Variants in MBOAT1 observed in about 807,000 individuals in gnomAD.
The protein encoded by MBOAT1 is membrane bound glycerophospholipid O-acyltransferase 1.
In MBOAT1, 67 loss-of-function variants were observed where a neutral mutation model predicts 64.4. The observed-to-expected ratio is 1.04, with a 90% CI of 0.85 to 1.27. MBOAT1 has a LOEUF of 1.27. Ranked by LOEUF, MBOAT1 falls within the 50% of genes most tolerant of loss-of-function variation. The pLI is 0.00. For missense variants in MBOAT1, 563 were observed against 604.6 expected (o/e 0.93, Z 0.72); for synonymous variants, 229 against 218.9 (o/e 1.05, Z -0.41).
intron 1 of MBOAT1, among the ~76,000 whole-genome samples, chr6:20,161,062 G>A (rs1022721921): frequency 2.0e-5 from 3 of 152,132 alleles, no homozygotes; most frequent in East Asian, 1.9e-4. Context: ...TGAGTGGCAG[G>A]TGACTGAGAG....
At chr6:20,195,571 T>G (rs762711261) in intron 1 of MBOAT1, among the ~76,000 whole-genome samples, 6 of 151,986 alleles carry the variant, frequency 3.9e-5, no homozygotes, top group African/African-American at 1.2e-4. Flanking sequence ...TGTCACTTCT[T>G]GTAGACCTCT....
At chr6:20,139,607 A>G (rs1264661727) in intron 4 of MBOAT1, among the ~76,000 whole-genome samples, 1 of 127,426 alleles carries the variant, frequency 7.8e-6, no homozygotes, top group Non-Finnish European at 1.5e-5. Flanking sequence ...CAGGTGGAGT[A>G]CAGTGGCATT....
chr6:20,139,698 TAC>T (rs1289842069), intron 4 of MBOAT1, among the ~76,000 whole-genome samples: 15 of 151,312 alleles, frequency 9.9e-5, no homozygotes, highest in Admixed American at 1.3e-4. Context: ...GGACTACAGG[TAC>T]ACACCACCAC....
chr6:20,208,825 C>T (rs755538691), intron 1 of MBOAT1, among the ~76,000 whole-genome samples: 43 of 152,298 alleles, frequency 2.8e-4, no homozygotes, highest in Non-Finnish European at 4.9e-4. Context: ...TTTCCAACCA[C>T]CAAATTGGAA....
chr6:20,124,902 G>T (rs144656984), intron 7 of MBOAT1, among the ~76,000 whole-genome samples: 7 of 152,148 alleles, frequency 4.6e-5, no homozygotes, highest in Non-Finnish European at 1.0e-4. Flanking sequence ...AAACACAAGA[G>T]AAATGGATAA....
chr6:20,209,731 G>C (rs1025184413), intron 1 of MBOAT1, among the ~76,000 whole-genome samples: 1 of 152,180 alleles, frequency 6.6e-6, no homozygotes, highest in East Asian at 1.9e-4. Context: ...GAGCAAACAC[G>C]TATCAAGGCC....
Position 20,212,386 on chromosome 6 carries a change from CGGCGCAAACTCTCGA to C in MBOAT1, c.-167_-153del, listed in dbSNP as rs542368070. 1,030 of 667,450 alleles carry C rather than the reference CGGCGCAAACTCTCGA, an allele frequency of 1.5e-3. 4 individuals carry two copies. Among genetic ancestry groups the C allele is most frequent in the African/African-American group, 7.4e-3 (398 of 54,068 alleles). The allele number at this position is 667,450 out of a possible 1,614,324, so 41.3% of individuals were successfully genotyped here. ...GAACGGGAGGCCGGGGAATGCGAAC[CGGCGCAAACTCTCGA>C]GGCGCAAACTCTCGAGGCGCAAACT... On this transcript the variant is annotated 5_prime_UTR_variant, in exon 1 of 13. Coordinates refer to ENST00000324607, the MANE Select transcript of MBOAT1 (RefSeq NM_001080480.3).
intron 7 of MBOAT1, among the ~76,000 whole-genome samples, chr6:20,126,284 C>A (rs1295164487): frequency 2.0e-5 from 3 of 152,166 alleles, no homozygotes; most frequent in Non-Finnish European, 4.4e-5. Flanking sequence ...TAAATATTGA[C>A]TGATGAACTG....
At chr6:20,107,005 T>A (rs1333843503) in intron 12 of MBOAT1, among the ~76,000 whole-genome samples, 2 of 152,302 alleles carry the variant, frequency 1.3e-5, no homozygotes, top group East Asian at 3.9e-4. Flanking sequence ...ATATTATCAC[T>A]AGCAAATCAC....
chr6:20,205,963 C>T (rs2113776876), intron 1 of MBOAT1, among the ~76,000 whole-genome samples: 1 of 152,252 alleles, frequency 6.6e-6, no homozygotes, highest in South Asian at 2.1e-4. Context: ...GGCTCGCAAG[C>T]TCCACTTCTC....
chr6:20,132,911 A>G (rs900021337), intron 4 of MBOAT1, among the ~76,000 whole-genome samples: 1 of 152,162 alleles, frequency 6.6e-6, no homozygotes, highest in Non-Finnish European at 1.5e-5. Context: ...TGTCAACGAC[A>G]CTCATCCACT....
At position 20,126,701 on chromosome 6, in the gene MBOAT1, CTG is replaced by C. The variant is rs749212454; in HGVS notation, c.531-3_531-2del. ...GTATTCCAAAAAAGAGGGTTTCACTCTGTGAAAATAAAGTAAATAAATTGAAA... is the reference window on the plus strand; with the variant it reads ...GTATTCCAAAAAAGAGGGTTTCACTCTGAAAATAAAGTAAATAAATTGAAA... On this transcript the variant is annotated splice_acceptor_variant and splice_polypyrimidine_tract_variant and intron_variant, in intron 6 of 12. Transcript: ENST00000324607. LOFTEE classifies it high-confidence loss of function. The C allele has an allele frequency of 8.8e-6, 14 of 1,597,544 alleles. No homozygotes were observed. The highest frequency in any genetic ancestry group is 1.1e-5 in the Non-Finnish European group (13 of 1,172,262).
chr6:20,111,879 T>TACATATATATAC (rs1581396161), intron 11 of MBOAT1, among the ~76,000 whole-genome samples: 251 of 75,832 alleles, frequency 3.3e-3, no homozygotes, highest in Middle Eastern at 0.013. Context: ...CATATATATA[T>TACATATATATAC]GTATATATAT....
chr6:20,192,627 G>T (rs1054544592), intron 1 of MBOAT1, among the ~76,000 whole-genome samples: 1 of 152,160 alleles, frequency 6.6e-6, no homozygotes, highest in African/African-American at 2.4e-5. Flanking sequence ...AAATGTGATG[G>T]GGCTGGCAAT....
At position 20,161,458 on chromosome 6, in the gene MBOAT1, T is replaced by C. The variant is rs186947257; in HGVS notation, c.100-8689A>G. ...CCCCCACCCCCACTCCATGGAAAAA[T>C]TGTCTTCCACAAAACCAGTCCCTGC... On this transcript the variant is annotated intron_variant, in intron 1 of 12. Transcript: ENST00000324607. Among the ~76,000 whole-genome samples, 743 of 151,592 alleles carry C rather than the reference T, an allele frequency of 4.9e-3. 6 individuals carry two copies. The highest frequency in any genetic ancestry group is 0.017 in the African/African-American group (706 of 41,280).
chr6:20,152,188 A>T (rs947752873), intron 2 of MBOAT1, among the ~76,000 whole-genome samples: 1 of 151,964 alleles, frequency 6.6e-6, no homozygotes, highest in East Asian at 1.9e-4. Flanking sequence ...TTACCTGGGC[A>T]TGGTGATGTG....
intron 1 of MBOAT1, among the ~76,000 whole-genome samples, chr6:20,172,560 A>G (rs1762228238): frequency 6.6e-6 from 1 of 152,176 alleles, no homozygotes; most frequent in South Asian, 2.1e-4. Flanking sequence ...CTTAAAATCA[A>G]ACAGAATGTG....
intron 1 of MBOAT1, among the ~76,000 whole-genome samples, chr6:20,184,325 T>C (rs571702189): frequency 6.6e-6 from 1 of 151,994 alleles, no homozygotes; most frequent in Admixed American, 6.6e-5. Context: ...CTAGTCCCCA[T>C]GCAGATGGGG....
At chr6:20,156,299 T>C (rs913561030) in intron 1 of MBOAT1, among the ~76,000 whole-genome samples, 1 of 151,412 alleles carries the variant, frequency 6.6e-6, no homozygotes, top group African/African-American at 2.4e-5. Context: ...TTAATGTGTA[T>C]AAGTTTATCT....
Sources: gnomAD v4.1 joint callset for allele counts (sites outside exome capture counted in the v4.1 genomes callset) on GRCh38, gnomAD v4.1.1 for gene constraint, MANE v1.5 for transcripts, NCBI Gene and HGNC (gene_info 2026-07-23, HGNC 2026-07-21) for gene names.